The following ARHGAP28 variants were observed in gnomAD, a reference collection of about 807,000 sequenced individuals.
The protein encoded by ARHGAP28 is rho GTPase-activating protein 28.
In ARHGAP28, 56 loss-of-function variants were observed where a neutral mutation model predicts 90.7. That is an observed-to-expected ratio of 0.62 (90% confidence interval 0.50 to 0.77). The LOEUF (loss-of-function observed/expected upper bound fraction) is 0.77, where lower values mean the gene tolerates loss of function less well. ARHGAP28 is among the 30% of genes least tolerant of loss of function. The pLI is 0.00. For synonymous variants in ARHGAP28, 308 were observed against 323.3 expected (o/e 0.95, Z 0.51); for missense variants, 869 against 900.9 (o/e 0.96, Z 0.45).
At chr18:6,773,437 A>G (rs1470310159) in intron 1 of ARHGAP28, among the ~76,000 whole-genome samples, 1 of 152,232 alleles carries the variant, frequency 6.6e-6, no homozygotes. Flanking sequence ...TAGAGGGCCA[A>G]GTATAGGGTC....
chr18:6,840,661 C>G (rs2056800149), intron 3 of ARHGAP28, among the ~76,000 whole-genome samples: 1 of 152,226 alleles, frequency 6.6e-6, no homozygotes, highest in Non-Finnish European at 1.5e-5. Flanking sequence ...CTTCCGTCTG[C>G]CTTCCTCTCT....
At chr18:6,883,793 G>A (rs940993545) in intron 11 of ARHGAP28, among the ~76,000 whole-genome samples, 1 of 151,966 alleles carries the variant, frequency 6.6e-6, no homozygotes, top group Non-Finnish European at 1.5e-5. Flanking sequence ...TGTAGGCAAG[G>A]CAGTCATTTT....
At chr18:6,767,051 G>A (rs1225490150) in intron 1 of ARHGAP28, among the ~76,000 whole-genome samples, 3 of 151,744 alleles carry the variant, frequency 2.0e-5, no homozygotes, top group East Asian at 1.9e-4. Flanking sequence ...ACTCATTTCC[G>A]GCCCTCGTTT....
At chr18:6,772,420 G>C (rs1459025074) in intron 1 of ARHGAP28, among the ~76,000 whole-genome samples, 1 of 152,142 alleles carries the variant, frequency 6.6e-6, no homozygotes, top group Non-Finnish European at 1.5e-5. Context: ...AGGATGGTTC[G>C]ACTTAGGATC....
intron 17 of ARHGAP28, among the ~76,000 whole-genome samples, chr18:6,909,415 C>A (rs2057384224): frequency 6.6e-6 from 1 of 151,746 alleles, no homozygotes; most frequent in South Asian, 2.1e-4. Flanking sequence ...GCCTCAGCCT[C>A]CCTAGTAGCT....
At chr18:6,791,226 C>T (rs2056404145) in intron 1 of ARHGAP28, 1 of 152,242 alleles carries the variant, frequency 6.6e-6, no homozygotes, top group African/African-American at 2.4e-5. Flanking sequence ...AAATCCAGCA[C>T]AGGAGAAAGA....
intron 1 of ARHGAP28, among the ~76,000 whole-genome samples, chr18:6,817,454 G>A (rs1011507013): frequency 1.3e-5 from 2 of 152,152 alleles, no homozygotes; most frequent in Admixed American, 1.3e-4. Flanking sequence ...GATACAGAGG[G>A]TGTCTCATCT....
chr18:6,741,163 T>TA lies in ARHGAP28; in HGVS notation c.122+11229dup, dbSNP rs936499407. On this transcript the variant is annotated intron_variant, in intron 1 of 17. Coordinates refer to ENST00000383472, the MANE Select transcript of ARHGAP28 (RefSeq NM_001366230.1). ...TTGCTGTGACTTTTCATTAGCATCTTAAAAAAAAATTACTGACCTCAACAG... is the reference window on the plus strand; with the variant it reads ...TTGCTGTGACTTTTCATTAGCATCTTAAAAAAAAAATTACTGACCTCAACAG... Among the ~76,000 whole-genome samples, 41 of 151,886 alleles carry TA rather than the reference T, an allele frequency of 2.7e-4. No individual in the cohort carries two copies. The South Asian group carries it at 3.1e-3, about 12-fold the overall frequency.
intron 15 of ARHGAP28, 24 bp from the exon 16 acceptor site, chr18:6,896,478 T>A: frequency 6.2e-7 from 1 of 1,613,342 alleles, no homozygotes; most frequent in South Asian, 1.1e-5. Context: ...TGACAGACTG[T>A]ACTGAATTTC....
chr18:6,825,617 C>A (rs1014706623), intron 2 of ARHGAP28, among the ~76,000 whole-genome samples: 4 of 152,166 alleles, frequency 2.6e-5, no homozygotes, highest in Admixed American at 6.5e-5. Context: ...TACCTCCCCC[C>A]TCTAGTAGTC....
At chr18:6,840,233 A>G (rs961915119) in intron 3 of ARHGAP28, among the ~76,000 whole-genome samples, 1 of 152,200 alleles carries the variant, frequency 6.6e-6, no homozygotes, top group African/African-American at 2.4e-5. Flanking sequence ...GTCCGGGATC[A>G]TCTTGAGAGG....
At chr18:6,885,802 G>GTGT in intron 11 of ARHGAP28, among the ~76,000 whole-genome samples, 1 of 141,752 alleles carries the variant, frequency 7.1e-6, no homozygotes, top group South Asian at 2.3e-4. Flanking sequence ...CCCCAGAGTT[G>GTGT]TTTTTTTTTT....
At chr18:6,909,590 G>C (rs573972256) in intron 17 of ARHGAP28, among the ~76,000 whole-genome samples, 1 of 152,184 alleles carries the variant, frequency 6.6e-6, no homozygotes, top group Non-Finnish European at 1.5e-5. Flanking sequence ...ACTGCGCCTG[G>C]CTGGCTTCGG....
Position 6,757,199 on chromosome 18 carries a change from A to AT in ARHGAP28, c.122+27262dup, listed in dbSNP as rs563877479. 3.8e-4 allele frequency among the ~76,000 whole-genome samples: 58 copies of AT among 152,360 alleles called. No homozygotes were observed. In the South Asian group the frequency reaches 9.9e-3, roughly 26 times the overall value. ...GTTATCACAAATGGCAAACAGCAGT[A>AT]TTTTTTGGAAACATGGAAACTGGTT... is the stretch of plus-strand genomic sequence containing the variant. On this transcript the variant is annotated intron_variant, in intron 1 of 17. Transcript: ENST00000383472.
chr18:6,766,034 A>C (rs2056197508), intron 1 of ARHGAP28, among the ~76,000 whole-genome samples: 1 of 152,196 alleles, frequency 6.6e-6, no homozygotes, highest in Non-Finnish European at 1.5e-5. Context: ...GGCTTGTCAT[A>C]TGATTTGTCT....
chr18:6,868,126 T>C (rs759357765), intron 5 of ARHGAP28, 24 bp from the exon 6 acceptor site: 1 of 1,589,650 alleles, frequency 6.3e-7, no homozygotes, highest in Non-Finnish European at 8.6e-7. Flanking sequence ...AAATGTTTTG[T>C]GTTCATCTTC....
At chr18:6,835,934 G>A (rs1396763746) in intron 2 of ARHGAP28, among the ~76,000 whole-genome samples, 1 of 151,868 alleles carries the variant, frequency 6.6e-6, no homozygotes, top group Admixed American at 6.6e-5. Context: ...TCTCTAATTT[G>A]GTCTTGAGGT....
At chr18:6,810,669 G>A (rs1436492933) in intron 1 of ARHGAP28, among the ~76,000 whole-genome samples, 2 of 152,108 alleles carry the variant, frequency 1.3e-5, no homozygotes, top group African/African-American at 2.4e-5. Flanking sequence ...ATGTATCATC[G>A]TATAGGTTAA....
intron 16 of ARHGAP28, among the ~76,000 whole-genome samples, chr18:6,904,680 C>T (rs1175547334): frequency 2.6e-5 from 4 of 152,018 alleles, no homozygotes; most frequent in Admixed American, 6.6e-5. Context: ...AATTGATAAA[C>T]TCCTAGAAAG....
Sources: gnomAD v4.1 joint callset for allele counts (sites outside exome capture counted in the v4.1 genomes callset) on GRCh38, gnomAD v4.1.1 for gene constraint, MANE v1.5 for transcripts, NCBI Gene and HGNC (gene_info 2026-07-23, HGNC 2026-07-21) for gene names.